RCOR1: variants seen among roughly 807,000 people sequenced by gnomAD.
RCOR1 encodes REST corepressor.
A neutral mutation model predicts 64.0 loss-of-function variants in RCOR1; 12 were observed. The observed-to-expected ratio is 0.19, with a 90% CI of 0.12 to 0.30. The LOEUF (loss-of-function observed/expected upper bound fraction) is 0.30. Among genes scored for constraint, RCOR1 ranks in the 10% least tolerant of loss-of-function variants. The pLI, the probability that RCOR1 is intolerant of heterozygous loss-of-function variation, is 1.00. For missense variants in RCOR1, 502 were observed against 621.2 expected, an observed-to-expected ratio of 0.81 and a Z score of 2.04; for synonymous variants, 279 against 227.2, an observed-to-expected ratio of 1.23 and a Z score of -2.05.
intron 2 of RCOR1, chr14:102,629,866 A>T (rs1894073176): frequency 4.7e-6 from 1 of 213,266 alleles, no homozygotes; most frequent in Admixed American, 6.5e-5. Context: ...CATAAAACTG[A>T]TATTTAGAGA....
At chr14:102,706,114 C>CAAAAAAAAAAAAAAAAAAAAA (rs71119732) in intron 4 of RCOR1, among the ~76,000 whole-genome samples, 4 of 21,334 alleles carry the variant, frequency 1.9e-4, no homozygotes, top group Non-Finnish European at 3.0e-4. Context: ...AACCCTGTCT[C>CAAAAAAAAAAAAAAAAAAAAA]AAAAAAAAAA....
intron 2 of RCOR1, among the ~76,000 whole-genome samples, chr14:102,663,641 T>C (rs1894866361): frequency 6.6e-6 from 1 of 152,130 alleles, no homozygotes; most frequent in Admixed American, 6.6e-5. Context: ...CTTGGATTGC[T>C]TGGTGGTGAA....
chr14:102,688,861 T>G (rs755613836), intron 3 of RCOR1, among the ~76,000 whole-genome samples: 1 of 152,214 alleles, frequency 6.6e-6, no homozygotes, highest in Non-Finnish European at 1.5e-5. Context: ...TTCCACACCC[T>G]ACCTCTGCAC....
At chr14:102,608,613 T>G (rs34876375) in intron 2 of RCOR1, among the ~76,000 whole-genome samples, 4,433 of 151,968 alleles carry the variant, frequency 0.029, 91 homozygotes, top group Non-Finnish European at 0.044. Flanking sequence ...TTTTGTATTT[T>G]TAGTAGAAAT....
At chr14:102,665,297 A>T (rs1421011266) in intron 2 of RCOR1, among the ~76,000 whole-genome samples, 3 of 142,292 alleles carry the variant, frequency 2.1e-5, no homozygotes, top group Non-Finnish European at 3.0e-5. Context: ...GAGCCACCAC[A>T]CCTGGCCTCA....
chr14:102,600,639 C>T (rs1893373387), intron 2 of RCOR1, among the ~76,000 whole-genome samples: 1 of 148,170 alleles, frequency 6.7e-6, no homozygotes, highest in Non-Finnish European at 1.5e-5. Flanking sequence ...GGCGTGATCT[C>T]AGCTCACTGC....
At chr14:102,718,263 A>G (rs1227288920) in intron 8 of RCOR1, among the ~76,000 whole-genome samples, 1 of 152,114 alleles carries the variant, frequency 6.6e-6, no homozygotes, top group Non-Finnish European at 1.5e-5. Flanking sequence ...TCACATCTGC[A>G]TTCAGGGCAG....
chr14:102,628,768 A>C (rs751702603), intron 2 of RCOR1, among the ~76,000 whole-genome samples: 32 of 152,252 alleles, frequency 2.1e-4, no homozygotes, highest in South Asian at 4.1e-4. Flanking sequence ...TGGCCAGGCT[A>C]GTCTCGAACT....
rs1250383819 is a variant in RCOR1 at position 102,658,501 on chromosome 14, T to C, written c.362-23394T>C. 5.1e-6 allele frequency: 5 copies of C among 981,852 alleles called. No individual in the cohort carries two copies. The South Asian group carries it at 1.9e-4, about 37-fold the overall frequency. 60.8% of individuals were successfully genotyped at this position (981,852 alleles called of 1,614,324 possible). A position where few individuals can be genotyped will look rare whatever the true frequency, so the allele number is the denominator to read the frequency against. ...ACTCTGAAAAAAATAATAATAAAAA[T>C]GGTTTTCTTACTTTTATGACTTGAA... On this transcript the variant is annotated intron_variant, in intron 2 of 11. Coordinates refer to ENST00000262241, the MANE Select transcript of RCOR1 (RefSeq NM_015156.4).
At chr14:102,647,466 A>G (rs1295776383) in intron 2 of RCOR1, among the ~76,000 whole-genome samples, 1 of 151,082 alleles carries the variant, frequency 6.6e-6, no homozygotes, top group Non-Finnish European at 1.5e-5. Flanking sequence ...ACAGGTGTGG[A>G]CCACCATGCT....
chr14:102,602,544 C>T (rs557207457), intron 2 of RCOR1, among the ~76,000 whole-genome samples: 2 of 152,072 alleles, frequency 1.3e-5, no homozygotes, highest in East Asian at 3.9e-4. Context: ...GCTAGGATTA[C>T]AGGCATGTGC....
At chr14:102,704,652 G>T (rs905454333) in intron 4 of RCOR1, among the ~76,000 whole-genome samples, 1 of 152,162 alleles carries the variant, frequency 6.6e-6, no homozygotes, top group Non-Finnish European at 1.5e-5. Context: ...GGCTGGTCTC[G>T]AACTCCTGAC....
At chr14:102,723,862 C>G (rs1452042872) in intron 11 of RCOR1, among the ~76,000 whole-genome samples, 1 of 152,194 alleles carries the variant, frequency 6.6e-6, no homozygotes, top group African/African-American at 2.4e-5. Flanking sequence ...TCTATTCCCT[C>G]TTCGCATTTG....
intron 2 of RCOR1, among the ~76,000 whole-genome samples, chr14:102,673,598 G>A (rs143400708): frequency 7.9e-5 from 12 of 151,706 alleles, no homozygotes; most frequent in African/African-American, 2.4e-4. Context: ...GCCTCCCAAA[G>A]TGCTGGGATT....
At chr14:102,690,308 C>G (rs897841526) in intron 3 of RCOR1, among the ~76,000 whole-genome samples, 1 of 152,110 alleles carries the variant, frequency 6.6e-6, no homozygotes, top group Non-Finnish European at 1.5e-5. Flanking sequence ...TCTAAACTTT[C>G]ATGTAGATAC....
At position 102,715,983 on chromosome 14, in the gene RCOR1, T is replaced by C. The variant is rs551645591; in HGVS notation, c.1053+1366T>C. Among the ~76,000 whole-genome samples the C allele has an allele frequency of 2.0e-5, 3 of 152,308 alleles. No individual in the cohort carries two copies. The South Asian group carries it at 6.2e-4, about 32-fold the overall frequency. On this transcript the variant is annotated intron_variant, in intron 8 of 11. Transcript: ENST00000262241. ...CCTACCAGTTGTGACAACAGAAATA[T>C]CCCTAGGCATCACCAGATTACCTCA...
chr14:102,626,263 G>GTTT (rs1305690338), intron 2 of RCOR1, among the ~76,000 whole-genome samples: 2 of 152,138 alleles, frequency 1.3e-5, no homozygotes, highest in Non-Finnish European at 2.9e-5. Context: ...CACAACCTGT[G>GTTT]TTTTACTCTC....
chr14:102,593,415 C>CT, intron 2 of RCOR1, 90 bp downstream of exon 2: 1 of 1,362,562 alleles, frequency 7.3e-7, no homozygotes, highest in Admixed American at 3.3e-5. Context: ...CCGCCGACAA[C>CT]TTTCTTTTTG....
At position 102,593,330 on chromosome 14, in the gene RCOR1, G is replaced by T; in HGVS notation, c.361+5G>T. 1 of 1,539,828 alleles carries T rather than the reference G, an allele frequency of 6.5e-7. No homozygotes were observed. On this transcript the variant is annotated splice_donor_5th_base_variant and intron_variant, in intron 2 of 11. Transcript: ENST00000262241. The stretch of plus-strand genomic sequence containing the variant: ...TGGTGCCCGACTTCGACCCCGGTGA[G>T]TAGCGGCCCCGGCCGGCCGGCGGCG...
Sources: allele counts gnomAD v4.1 joint callset (sites outside exome capture counted in the v4.1 genomes callset), GRCh38; gene constraint gnomAD v4.1.1; transcripts MANE v1.5; gene names NCBI Gene and HGNC (gene_info 2026-07-23, HGNC 2026-07-21).